The following DISC1 variants were observed in gnomAD, a reference collection of about 807,000 sequenced individuals.
DISC1 encodes disrupted in schizophrenia 1 protein.
A neutral mutation model predicts 84.5 loss-of-function variants in DISC1; 57 were observed. The ratio of observed to expected loss-of-function variants is 0.67; its 90% CI spans 0.55 to 0.84. DISC1 has a LOEUF of 0.84. DISC1 is among the 40% of genes least tolerant of loss of function. DISC1 has a pLI of 0.00. For missense variants in DISC1, 1,000 were observed against 1,057.8 expected (o/e 0.95, Z 0.76); for synonymous variants, 411 against 415.2 (o/e 0.99, Z 0.12).
chr1:231,994,277 A>T (rs1362006907), intron 10 of DISC1, among the ~76,000 whole-genome samples: 1 of 152,216 alleles, frequency 6.6e-6, no homozygotes, highest in African/African-American at 2.4e-5. Flanking sequence ...CTGACCAGGC[A>T]TGTAGTCCCT....
chr1:231,643,782 CGGTAGCATATTACA>C (rs748292766), intron 1 of DISC1, among the ~76,000 whole-genome samples: 4 of 152,110 alleles, frequency 2.6e-5, no homozygotes, highest in Non-Finnish European at 5.9e-5. Flanking sequence ...GCTTAGCAAA[CGGTAGCATATTACA>C]GGTGGCCTGC....
At chr1:232,013,443 C>T (rs758412601) in intron 11 of DISC1, among the ~76,000 whole-genome samples, 52 of 152,130 alleles carry the variant, frequency 3.4e-4, no homozygotes, top group Non-Finnish European at 5.9e-4. Context: ...TTTAAGTTTA[C>T]GGGTGGAAAG....
intron 10 of DISC1, among the ~76,000 whole-genome samples, chr1:231,999,010 A>G (rs1666319710): frequency 2.0e-5 from 3 of 152,172 alleles, no homozygotes; most frequent in Admixed American, 6.5e-5. Context: ...TTATATGGAA[A>G]AACATAAATA....
intron 10 of DISC1, among the ~76,000 whole-genome samples, chr1:231,986,859 A>T (rs1010023089): frequency 2.0e-5 from 3 of 152,166 alleles, no homozygotes; most frequent in African/African-American, 7.2e-5. Context: ...TGGCTGAGAG[A>T]TGAAAAGAAA....
rs79076050 is a variant in DISC1 at position 231,828,737 on chromosome 1, C to T, written c.1981+10220C>T. Among the ~76,000 whole-genome samples the T allele has an allele frequency of 2.8e-3, 430 of 152,230 alleles. 2 individuals are homozygous for T. The highest frequency in any genetic ancestry group is 9.6e-3 in the African/African-American group (398 of 41,534). ...GCAGTACAGGAAAGCTTTTTACACA[C>T]TTGTACTGAGAAAGAGGATGCAATT... is the stretch of plus-strand genomic sequence containing the variant. On this transcript the variant is annotated intron_variant, in intron 9 of 12. Coordinates refer to ENST00000439617, the MANE Select transcript of DISC1 (RefSeq NM_018662.3).
chr1:231,903,850 C>A (rs1350882684), intron 9 of DISC1, among the ~76,000 whole-genome samples: 2 of 152,172 alleles, frequency 1.3e-5, no homozygotes, highest in African/African-American at 2.4e-5. Flanking sequence ...GATGGGAAAC[C>A]ATTTCAGAGT....
At chr1:231,895,836 C>T (rs542048832) in intron 9 of DISC1, among the ~76,000 whole-genome samples, 7 of 152,274 alleles carry the variant, frequency 4.6e-5, no homozygotes, top group African/African-American at 7.2e-5. Context: ...AACCGGTTTT[C>T]GCCCTCTCAT....
intron 8 of DISC1, among the ~76,000 whole-genome samples, chr1:231,808,751 G>A (rs1460190090): frequency 2.0e-5 from 3 of 152,174 alleles, no homozygotes; most frequent in Admixed American, 1.3e-4. Flanking sequence ...TTCAGTTTAT[G>A]CCCCCCTGCC....
chr1:231,786,967 C>T (rs1459376385), intron 6 of DISC1, among the ~76,000 whole-genome samples: 2 of 152,148 alleles, frequency 1.3e-5, no homozygotes, highest in African/African-American at 4.8e-5. Context: ...CCCCATTTAC[C>T]CTTCCCCTCA....
intron 4 of DISC1, among the ~76,000 whole-genome samples, chr1:231,755,905 G>A (rs2075066130): frequency 6.6e-6 from 1 of 152,112 alleles, no homozygotes; most frequent in African/African-American, 2.4e-5. Flanking sequence ...CTCCTTGCTG[G>A]TATTTCTGAT....
At chr1:231,955,985 G>T (rs1206624519) in intron 9 of DISC1, among the ~76,000 whole-genome samples, 2 of 152,160 alleles carry the variant, frequency 1.3e-5, no homozygotes, top group East Asian at 3.9e-4. Flanking sequence ...AGCAGAAAGG[G>T]TACTCTGACC....
At chr1:231,947,174 G>C (rs565272923) in intron 9 of DISC1, among the ~76,000 whole-genome samples, 86 of 152,316 alleles carry the variant, frequency 5.6e-4, no homozygotes, top group African/African-American at 2.0e-3. Flanking sequence ...GAAGAATGAA[G>C]CTGGAAGCAT....
At chr1:231,899,212 A>ACAT (rs2126022777) in intron 9 of DISC1, among the ~76,000 whole-genome samples, 1 of 152,322 alleles carries the variant, frequency 6.6e-6, no homozygotes. Context: ...GCTCTGGGAC[A>ACAT]GTAGCTGTCA....
chr1:231,762,799 G>A (rs927544263), intron 4 of DISC1, among the ~76,000 whole-genome samples: 1 of 152,126 alleles, frequency 6.6e-6, no homozygotes, highest in African/African-American at 2.4e-5. Context: ...CAGTGTGAGG[G>A]TGGGGTCTGT....
chr1:231,733,774 G>GTTA (rs1371178904), intron 3 of DISC1, among the ~76,000 whole-genome samples: 3 of 75,486 alleles, frequency 4.0e-5, no homozygotes, highest in East Asian at 8.6e-4. Context: ...GGTAGTGGTG[G>GTTA]TGGTGGTGAT....
intron 3 of DISC1, among the ~76,000 whole-genome samples, chr1:231,718,603 A>G (rs1263152296): frequency 6.6e-6 from 1 of 151,528 alleles, no homozygotes; most frequent in Non-Finnish European, 1.5e-5. Flanking sequence ...CACCTGGCAA[A>G]TTTTCTATTT....
intron 9 of DISC1, among the ~76,000 whole-genome samples, chr1:231,891,429 T>C (rs957970749): frequency 1.3e-5 from 2 of 152,206 alleles, no homozygotes; most frequent in African/African-American, 4.8e-5. Flanking sequence ...TCACAGATCC[T>C]GTGTCATGCC....
intron 9 of DISC1, among the ~76,000 whole-genome samples, chr1:231,867,063 T>C (rs1209843859): frequency 1.3e-5 from 2 of 152,234 alleles, no homozygotes; most frequent in African/African-American, 2.4e-5. Context: ...ACCAGTCTTC[T>C]TGAGGCCTGG....
At chr1:231,707,951 G>C (rs1226596691) in intron 3 of DISC1, among the ~76,000 whole-genome samples, 1 of 152,158 alleles carries the variant, frequency 6.6e-6, no homozygotes, top group Non-Finnish European at 1.5e-5. Context: ...AACCAAATGT[G>C]GGGAAAGGAT....
Sources: allele counts gnomAD v4.1 joint callset (sites outside exome capture counted in the v4.1 genomes callset), GRCh38; gene constraint gnomAD v4.1.1; transcripts MANE v1.5; gene names NCBI Gene and HGNC (gene_info 2026-07-23, HGNC 2026-07-21).